The following FAM120B variants were observed in gnomAD, a reference collection of about 807,000 sequenced individuals.
FAM120B encodes family with sequence similarity 120 member B, also known as constitutive coactivator of peroxisome proliferator-activated receptor gamma.
In FAM120B, 83 loss-of-function variants were observed where a neutral mutation model predicts 96.3. The ratio of observed to expected loss-of-function variants is 0.86; its 90% CI spans 0.72 to 1.03. The LOEUF (loss-of-function observed/expected upper bound fraction) is 1.03, where lower values mean the gene tolerates loss of function less well. Among genes scored for constraint, FAM120B ranks in the 50% least tolerant of loss-of-function variants. FAM120B has a pLI of 0.00. For synonymous variants in FAM120B, 407 were observed against 402.7 expected (o/e 1.01, Z -0.13); for missense variants, 1,027 against 1,121.2 (o/e 0.92, Z 1.20).
At chr6:170,362,133 A>G (rs539696215) in intron 6 of FAM120B, among the ~76,000 whole-genome samples, 161 of 152,326 alleles carry the variant, frequency 1.1e-3, no homozygotes, top group Admixed American at 3.8e-3. Context: ...AAATTAAGCA[A>G]TAGGCTGAAT....
intron 6 of FAM120B, among the ~76,000 whole-genome samples, chr6:170,369,711 T>A (rs1789055486): frequency 6.8e-6 from 1 of 147,326 alleles, no homozygotes; most frequent in African/African-American, 2.5e-5. Flanking sequence ...TTTTTTTTCC[T>A]GCTCCCATAC....
intron 6 of FAM120B, among the ~76,000 whole-genome samples, chr6:170,373,766 A>C (rs978435149): frequency 1.3e-5 from 2 of 152,230 alleles, no homozygotes; most frequent in African/African-American, 2.4e-5. Flanking sequence ...ACAGTATATT[A>C]TCTGGGAAAT....
intron 9 of FAM120B, among the ~76,000 whole-genome samples, chr6:170,397,405 C>T (rs1441646691): frequency 6.6e-6 from 1 of 152,098 alleles, no homozygotes; most frequent in East Asian, 1.9e-4. Context: ...GAGCTGATGC[C>T]AGATGCCTGT....
rs535889673 is a variant in FAM120B at position 170,395,679 on chromosome 6, G to A, written c.2692+100G>A. 714 of 796,854 alleles carry A rather than the reference G, an allele frequency of 9.0e-4. No homozygotes were observed. Among genetic ancestry groups the A allele is most frequent in the Non-Finnish European group, 1.3e-3 (614 of 473,848 alleles). The allele number at this position is 796,854 out of a possible 1,614,324, so 49.4% of individuals were successfully genotyped here. A position where few individuals can be genotyped will look rare whatever the true frequency, so the allele number is the denominator to read the frequency against. On this transcript the variant is annotated intron_variant, in intron 9 of 10. Coordinates refer to ENST00000476287, the MANE Select transcript of FAM120B (RefSeq NM_032448.3). Reference sequence around the variant, plus strand: ...TGCCTTCCTCTGTTTCAGAAAGGTTGTATAGTTCCAGTAAATAAACAGATA... The same window carrying A: ...TGCCTTCCTCTGTTTCAGAAAGGTTATATAGTTCCAGTAAATAAACAGATA...
At chr6:170,362,394 G>T (rs1788514040) in intron 6 of FAM120B, among the ~76,000 whole-genome samples, 2 of 152,172 alleles carry the variant, frequency 1.3e-5, no homozygotes, top group Non-Finnish European at 2.9e-5. Flanking sequence ...TGCAGTCAGT[G>T]GGCATACCAT....
chr6:170,389,708 C>T (rs991080456), intron 7 of FAM120B, among the ~76,000 whole-genome samples: 4 of 152,026 alleles, frequency 2.6e-5, no homozygotes, highest in African/African-American at 9.7e-5. Context: ...TGCAGGCGCG[C>T]ATCACCATGC....
intron 8 of FAM120B, among the ~76,000 whole-genome samples, chr6:170,392,049 A>G (rs1032379176): frequency 1.6e-4 from 25 of 151,772 alleles, no homozygotes; most frequent in Non-Finnish European, 3.3e-4. Context: ...TTGTATGTGT[A>G]TTATTATTAT....
intron 3 of FAM120B, among the ~76,000 whole-genome samples, chr6:170,327,268 G>A (rs531940662): frequency 2.0e-5 from 3 of 151,746 alleles, no homozygotes; most frequent in Non-Finnish European, 2.9e-5. Context: ...GGATGATCTC[G>A]ATCTCCTGAC....
At chr6:170,307,990 C>T (rs147674608) in intron 1 of FAM120B, among the ~76,000 whole-genome samples, 14 of 152,260 alleles carry the variant, frequency 9.2e-5, no homozygotes, top group Non-Finnish European at 1.8e-4. Context: ...GCATCTTATC[C>T]GCAGCTGTAC....
Position 170,370,729 on chromosome 6 carries a change from T to C in FAM120B, c.2283+12411T>C, listed in dbSNP as rs1746445107. ...ATAAAGATTCGCCTTCTAACACCTTTAAGGACTTGTTTTCCTTAACATTCT... is the reference window on the plus strand; with the variant it reads ...ATAAAGATTCGCCTTCTAACACCTTCAAGGACTTGTTTTCCTTAACATTCT... On this transcript the variant is annotated intron_variant, in intron 6 of 10. Coordinates refer to ENST00000476287, the MANE Select transcript of FAM120B (RefSeq NM_032448.3). The surrounding 1 kb of genome is among the most constrained non-coding windows in gnomAD (Gnocchi z 4.3). 6.6e-6 allele frequency among the ~76,000 whole-genome samples: 1 copy of C among 152,206 alleles called. No homozygotes were observed. The highest frequency in any genetic ancestry group is 1.5e-5 in the Non-Finnish European group (1 of 68,022).
At chr6:170,306,335 C>T (rs927147960), upstream of FAM120B, among the ~76,000 whole-genome samples, 1 of 152,076 alleles carries the variant, frequency 6.6e-6, no homozygotes, top group African/African-American at 2.4e-5. Context: ...GGCGAGGCTC[C>T]CGGCCTCAGG....
chr6:170,396,902 T>G (rs1375844176), intron 9 of FAM120B, among the ~76,000 whole-genome samples: 2 of 152,246 alleles, frequency 1.3e-5, no homozygotes, highest in Non-Finnish European at 2.9e-5. Flanking sequence ...TGAAGCCTGG[T>G]GCTTTGGGCC....
intron 1 of FAM120B, among the ~76,000 whole-genome samples, chr6:170,307,628 AT>A (rs1309930323): frequency 6.6e-6 from 1 of 152,208 alleles, no homozygotes; most frequent in Non-Finnish European, 1.5e-5. Flanking sequence ...GGAGTTGAGC[AT>A]TTGTGAGACA....
chr6:170,391,270 C>A (rs994094239), intron 8 of FAM120B, 149 bp downstream of exon 8: 1 of 635,292 alleles, frequency 1.6e-6, no homozygotes, highest in Non-Finnish European at 2.8e-6. Context: ...TGCGGTGGCT[C>A]ACGCCTGTAA....
chr6:170,306,548 G>C (rs1784290789), upstream of FAM120B: 1 of 152,254 alleles, frequency 6.6e-6, no homozygotes, highest in South Asian at 2.1e-4. Context: ...CCCGAGGTCC[G>C]CCAGCACCAG....
intron 9 of FAM120B, among the ~76,000 whole-genome samples, chr6:170,396,158 T>G (rs1050869485): frequency 1.3e-5 from 2 of 152,252 alleles, no homozygotes; most frequent in African/African-American, 2.4e-5. Context: ...TACCTAATAT[T>G]TATCATTTAA....
chr6:170,348,681 T>C (rs1235088148), intron 5 of FAM120B, among the ~76,000 whole-genome samples: 1 of 152,158 alleles, frequency 6.6e-6, no homozygotes, highest in Non-Finnish European at 1.5e-5. Flanking sequence ...TGGGTTTTAG[T>C]GTAAAGGTGA....
At chr6:170,360,870 C>T (rs768897925) in intron 6 of FAM120B, among the ~76,000 whole-genome samples, 32 of 152,056 alleles carry the variant, frequency 2.1e-4, no homozygotes, top group Non-Finnish European at 3.8e-4. Context: ...CACTCAGCAG[C>T]CCTGCTGGCT....
chr6:170,350,597 C>A (rs1002402881), intron 5 of FAM120B, among the ~76,000 whole-genome samples: 15 of 152,232 alleles, frequency 9.9e-5, no homozygotes, highest in African/African-American at 2.2e-4. Context: ...TGGCTGCCAT[C>A]TTTGCTGTTT....
Sources: gnomAD v4.1 joint callset for allele counts (sites outside exome capture counted in the v4.1 genomes callset) on GRCh38, gnomAD v4.1.1 for gene constraint, Gnocchi (gnomAD v3.1) non-coding constraint, MANE v1.5 for transcripts, NCBI Gene and HGNC (gene_info 2026-07-23, HGNC 2026-07-21) for gene names.